Variants in ARHGEF11 observed in about 807,000 individuals in gnomAD.
ARHGEF11 encodes the protein Rho guanine nucleotide exchange factor 11.
ARHGEF11 carries 55 observed loss-of-function variants against 193.7 expected under a neutral mutation model. The ratio of observed to expected loss-of-function variants is 0.28; its 90% CI spans 0.23 to 0.36. The LOEUF is 0.36. Among genes scored for constraint, ARHGEF11 ranks in the 10% least tolerant of loss-of-function variants. The probability of loss-of-function intolerance (pLI) is 1.00; values close to 1 mark genes in which losing one functional copy is unlikely to be tolerated. For synonymous variants in ARHGEF11, 693 were observed against 768.0 expected, an observed-to-expected ratio of 0.90 and a Z score of 1.62; for missense variants, 1,723 against 2,005.6, an observed-to-expected ratio of 0.86 and a Z score of 2.69.
At chr1:157,012,017 A>C (rs1305003588) in intron 1 of ARHGEF11, among the ~76,000 whole-genome samples, 2 of 152,180 alleles carry the variant, frequency 1.3e-5, no homozygotes, top group Admixed American at 1.3e-4. Flanking sequence ...TCACACAAAA[A>C]CTTGTACATG....
In ARHGEF11 at chr1:156,935,369, T is replaced by G. The variant is rs1460519024; in HGVS notation, c.*631A>C. ...AGGGACAGGAACACTCAGGCCTGGC[T>G]CCCGCTTTAGGCTCGATCCTGGAAC... is the stretch of plus-strand genomic sequence containing the variant. On this transcript the variant is annotated 3_prime_UTR_variant, in exon 41 of 41. Coordinates refer to ENST00000368194, the MANE Select transcript of ARHGEF11 (RefSeq NM_198236.3). The G allele has an allele frequency of 6.6e-6, 1 of 152,130 alleles. No homozygotes were observed. The highest frequency in any genetic ancestry group is 2.4e-5 in the African/African-American group (1 of 41,420). 9.4% of individuals were successfully genotyped at this position (152,130 alleles called of 1,614,324 possible). A position where few individuals can be genotyped will look rare whatever the true frequency, so the allele number is the denominator to read the frequency against.
At chr1:157,036,080 T>A (rs1043153035) in intron 1 of ARHGEF11, among the ~76,000 whole-genome samples, 1 of 141,606 alleles carries the variant, frequency 7.1e-6, no homozygotes, top group Non-Finnish European at 1.5e-5. Context: ...TCTATATGAA[T>A]ATATATATGA....
intron 22 of ARHGEF11, among the ~76,000 whole-genome samples, chr1:156,949,878 A>G (rs1658814156): frequency 6.6e-6 from 1 of 152,160 alleles, no homozygotes; most frequent in Non-Finnish European, 1.5e-5. Flanking sequence ...TTGAGTATCT[A>G]CAACAATCTC....
intron 1 of ARHGEF11, among the ~76,000 whole-genome samples, chr1:157,014,139 T>C (rs1408481136): frequency 6.6e-6 from 1 of 152,202 alleles, no homozygotes; most frequent in Non-Finnish European, 1.5e-5. Context: ...GCTAAAACTT[T>C]ACAGCTCTCC....
chr1:157,027,761 A>ACTGCCTCAACTAACAGACCCC (rs1670825159), intron 1 of ARHGEF11, among the ~76,000 whole-genome samples: 1 of 152,118 alleles, frequency 6.6e-6, no homozygotes, highest in Non-Finnish European at 1.5e-5. Context: ...GGCCTTTGTG[A>ACTGCCTCAACTAACAGACCCC]CTGCCTCAAC....
chr1:156,992,709 C>T (rs1455169550), intron 1 of ARHGEF11, among the ~76,000 whole-genome samples: 1 of 152,162 alleles, frequency 6.6e-6, no homozygotes, highest in African/African-American at 2.4e-5. Context: ...CTGGCATCCT[C>T]GAGCTTACGG....
chr1:156,963,817 G>C, intron 11 of ARHGEF11: 3 of 1,363,836 alleles, frequency 2.2e-6, no homozygotes, highest in Non-Finnish European at 2.8e-6. Context: ...ATTCAGAGCA[G>C]CCTGGTCACA....
intron 1 of ARHGEF11, among the ~76,000 whole-genome samples, chr1:157,004,747 A>G (rs928398657): frequency 5.3e-5 from 8 of 152,158 alleles, no homozygotes; most frequent in African/African-American, 1.7e-4. Flanking sequence ...AAAGAGAAAC[A>G]TTCTTGGGGC....
At chr1:156,980,561 C>G (rs1057408208) in intron 3 of ARHGEF11, 75 bp from the exon 4 acceptor site, 3 of 1,479,366 alleles carry the variant, frequency 2.0e-6, no homozygotes, top group Middle Eastern at 3.4e-4. Flanking sequence ...CCTGTCAGAT[C>G]ACCTCTCCTC....
At chr1:157,031,707 G>A (rs1487320828) in intron 1 of ARHGEF11, among the ~76,000 whole-genome samples, 1 of 152,226 alleles carries the variant, frequency 6.6e-6, no homozygotes, top group Non-Finnish European at 1.5e-5. Flanking sequence ...TTCAAGGGGA[G>A]TGGCAAAGGC....
chr1:156,979,360 AC>A (rs1268238247), intron 4 of ARHGEF11, 74 bp from the exon 5 acceptor site: 46 of 737,688 alleles, frequency 6.2e-5, no homozygotes, highest in Non-Finnish European at 8.4e-5. Flanking sequence ...TCAAAATGCC[AC>A]TTTTTTTTTT....
rs763703324 is a variant in ARHGEF11, at chr1:156,958,798, G to A, written c.1446C>T (p.Asp482=). The change falls in exon 17 of 41, where the codon GAC becomes GAT. Residue 482 remains aspartate, a synonymous_variant. Coordinates refer to ENST00000368194, the MANE Select transcript of ARHGEF11 (RefSeq NM_198236.3). ...GENDLLDLDG[D]PLRERQVAEK... ...CAGCCACTTGGCGCTCTCGGAGAGG[G>A]TCCCCATCCAGGTCCAGCAGGTCAT... 6.2e-7 allele frequency: 1 copy of A among 1,614,220 alleles called. No individual in the cohort carries two copies. The highest frequency in any genetic ancestry group is 8.5e-7 in the Non-Finnish European group (1 of 1,180,034).
At chr1:156,974,795 G>T (rs1390536711) in intron 7 of ARHGEF11, among the ~76,000 whole-genome samples, 1 of 152,168 alleles carries the variant, frequency 6.6e-6, no homozygotes, top group African/African-American at 2.4e-5. Context: ...TCTCTCACCT[G>T]GCATAGTGTT....
intron 35 of ARHGEF11, 47 bp downstream of exon 35, chr1:156,941,325 A>G: frequency 6.2e-7 from 1 of 1,601,242 alleles, no homozygotes; most frequent in Non-Finnish European, 8.6e-7. Flanking sequence ...CTGTGCCTAC[A>G]GAAAAAGGCC....
chr1:156,977,047 T>G lies in ARHGEF11; in HGVS notation c.518A>C (p.Glu173Ala). 1 of 1,614,076 alleles carries G rather than the reference T, an allele frequency of 6.2e-7. No individual in the cohort carries two copies. Among genetic ancestry groups the G allele is most frequent in the Non-Finnish European group, 8.5e-7 (1 of 1,179,946 alleles). The change falls in exon 7 of 41, where the codon GAA (glutamate) becomes GCA (alanine). Residue 173 changes from glutamate to alanine, a missense_variant. Physicochemically the swap from Glu to Ala is moderately radical, Grantham distance 107. Around this residue, in one of 5 missense-constraint regions of ARHGEF11, gnomAD observed 646 missense variants for 710.7 expected, o/e 0.91. Transcript: ENST00000368194. ...ITGPKPLQDPEVQKHATQILR... is the reference protein window; with the variant it reads ...ITGPKPLQDPAVQKHATQILR... ...GATCTGGGTGGCATGTTTTTGAACTTCGGGATCCTAGACATGGAAAATATG... is the reference window on the plus strand; with the variant it reads ...GATCTGGGTGGCATGTTTTTGAACTGCGGGATCCTAGACATGGAAAATATG...
At chr1:156,961,366 T>G in intron 14 of ARHGEF11, among the ~76,000 whole-genome samples, 1 of 152,108 alleles carries the variant, frequency 6.6e-6, no homozygotes. Context: ...GGCCTAGGGA[T>G]GGGCAAGGCA....
chr1:156,998,423 T>A (rs1306297431), intron 1 of ARHGEF11, among the ~76,000 whole-genome samples: 2 of 152,210 alleles, frequency 1.3e-5, no homozygotes, highest in African/African-American at 4.8e-5. Context: ...TGGTGAAGTG[T>A]GGAGTTAGAA....
chr1:156,987,326 A>G (rs979108083), intron 1 of ARHGEF11, among the ~76,000 whole-genome samples: 5 of 152,250 alleles, frequency 3.3e-5, no homozygotes, highest in African/African-American at 1.2e-4. Flanking sequence ...GAACTCAGTC[A>G]TAAGAAAGAA....
At position 156,935,877 on chromosome 1, in the gene ARHGEF11, C is replaced by G; in HGVS notation, c.*123G>C. 8.6e-7 allele frequency: 1 copy of G among 1,169,354 alleles called. No homozygotes were observed. The highest frequency in any genetic ancestry group is 1.6e-5 in the South Asian group (1 of 62,794). 72.4% of individuals were successfully genotyped at this position (1,169,354 alleles called of 1,614,324 possible). On this transcript the variant is annotated 3_prime_UTR_variant, in exon 41 of 41. Transcript: ENST00000368194. ...TCTCCCCCCGGGCCTTGGCTGGATC[C>G]TAGTTTCCCTAACTGCCTCCTCCAC...
Sources: allele counts gnomAD v4.1 joint callset (sites outside exome capture counted in the v4.1 genomes callset), GRCh38; gene constraint gnomAD v4.1.1; regional missense constraint gnomAD v4.1.1; transcripts MANE v1.5; gene names NCBI Gene and HGNC (gene_info 2026-07-23, HGNC 2026-07-21).